PRR33: variants seen among roughly 807,000 people sequenced by gnomAD.
The protein encoded by PRR33 is proline rich 33.
A neutral mutation model predicts 0.5 loss-of-function variants in PRR33; 1 was observed. That is an observed-to-expected ratio of 2.18 (90% CI 0.77 to 10.34). PRR33 has a LOEUF of 10.34. Ranked by LOEUF, PRR33 falls within the 30% of genes most tolerant of loss-of-function variation. The pLI is 0.13. For synonymous variants in PRR33, 226 were observed against 110.0 expected, an observed-to-expected ratio of 2.06 and a Z score of -6.60; for missense variants, 552 against 251.8, an observed-to-expected ratio of 2.19 and a Z score of -8.07.
chr11:1,889,742 C>T (rs966781933), exon 1 of PRR33: 2 of 655,814 alleles, frequency 3.0e-6, no homozygotes, highest in East Asian at 2.7e-5. Flanking sequence ...CCAGGCTGTG[C>T]GGTGAGGACT....
upstream of PRR33, among the ~76,000 whole-genome samples, chr11:1,892,986 AGTGG>A (rs1158802709): frequency 8.9e-6 from 1 of 112,218 alleles, no homozygotes; most frequent in East Asian, 3.3e-4. Flanking sequence ...TGAATGAGTA[AGTGG>A]GTGGGTGGGT....
At chr11:1,915,687 G>A in the PRR33 span, among the ~76,000 whole-genome samples, 1 of 254 alleles carries the variant, frequency 3.9e-3, no homozygotes, top group Non-Finnish European at 7.4e-3. Flanking sequence ...TGATGTTTCT[G>A]TGTGTGTGTG....
chr11:1,890,098 G>A (rs1848930353), exon 1 of PRR33: 1 of 716,578 alleles, frequency 1.4e-6, no homozygotes. Context: ...CCACTGGGGG[G>A]CCGGGTAGGT....
At chr11:1,895,215 C>A (rs541363831), upstream of PRR33, among the ~76,000 whole-genome samples, 16 of 152,226 alleles carry the variant, frequency 1.1e-4, no homozygotes, top group African/African-American at 3.9e-4. Flanking sequence ...CCACTGCAAC[C>A]TCCGTCTCCT....
At chr11:1,899,575 T>C in the PRR33 span, among the ~76,000 whole-genome samples, 1 of 152,182 alleles carries the variant, frequency 6.6e-6, no homozygotes, top group Non-Finnish European at 1.5e-5. Flanking sequence ...GACTATTTCA[T>C]AAGGCACCAA....
At chr11:1,903,484 TA>T in the PRR33 span, among the ~76,000 whole-genome samples, 7 of 152,198 alleles carry the variant, frequency 4.6e-5, no homozygotes, top group South Asian at 1.2e-3. Context: ...AAAGAGGGAG[TA>T]AAAATACTGA....
the PRR33 span, among the ~76,000 whole-genome samples, chr11:1,897,488 C>T: frequency 1.3e-5 from 2 of 152,202 alleles, no homozygotes; most frequent in Non-Finnish European, 2.9e-5. The surrounding 1 kb of genome is among the most constrained non-coding windows in gnomAD (Gnocchi z 4.0). Flanking sequence ...TATCTGCTTC[C>T]GTAAAGCTTC....
At chr11:1,889,899 C>T (rs1016135078) in exon 1 of PRR33, 13 of 626,760 alleles carry the variant, frequency 2.1e-5, no homozygotes, top group Admixed American at 5.6e-5. Flanking sequence ...GGGCAGTGGG[C>T]GGATGTGAGC....
At chr11:1,913,199 C>T in the PRR33 span, among the ~76,000 whole-genome samples, 31 of 152,102 alleles carry the variant, frequency 2.0e-4, 1 homozygote, top group African/African-American at 7.0e-4. Context: ...GGCACAATTT[C>T]GGCTCACAAA....
chr11:1,890,739 A>G (rs1235292119), exon 1 of PRR33: 8 of 603,554 alleles, frequency 1.3e-5, no homozygotes, highest in African/African-American at 1.1e-4. Context: ...CCTGCCAGGG[A>G]CATGCTGAGC....
chr11:1,890,664 G>T (rs1848963645), exon 1 of PRR33: 1 of 644,222 alleles, frequency 1.6e-6, no homozygotes, highest in Non-Finnish European at 2.8e-6. Flanking sequence ...GTCTCCTGTG[G>T]TCCAAGGAGG....
At chr11:1,892,555 C>G (rs1259372620), upstream of PRR33, among the ~76,000 whole-genome samples, 8 of 152,232 alleles carry the variant, frequency 5.3e-5, no homozygotes. Context: ...TGACTTCGCA[C>G]CCACTGAGGG....
the PRR33 span, among the ~76,000 whole-genome samples, chr11:1,900,210 C>T: frequency 6.6e-6 from 1 of 152,012 alleles, no homozygotes; most frequent in Non-Finnish European, 1.5e-5. Flanking sequence ...TTCTTAAATA[C>T]CAATTTTGTT....
chr11:1,889,872 G>T (rs1474169817), exon 1 of PRR33: 3 of 630,970 alleles, frequency 4.8e-6, no homozygotes, highest in Admixed American at 5.5e-5. Flanking sequence ...CAAGGGACTG[G>T]CAGCCTGGAC....
chr11:1,893,441 C>CTGGA (rs1426647201), upstream of PRR33, among the ~76,000 whole-genome samples: 21 of 115,468 alleles, frequency 1.8e-4, no homozygotes, highest in Non-Finnish European at 3.3e-4. Context: ...GGCTGGCTGG[C>CTGGA]TGGCTGGCTG....
chr11:1,897,774 T>G, the PRR33 span, among the ~76,000 whole-genome samples: 1 of 152,190 alleles, frequency 6.6e-6, no homozygotes, highest in African/African-American at 2.4e-5. This position sits in a 1 kb window ranked among gnomAD's most constrained non-coding sequence, Gnocchi z 4.0. Context: ...TTTGAGTTCT[T>G]GTTGCTCCAG....
chr11:1,903,414 G>A, the PRR33 span, among the ~76,000 whole-genome samples: 2 of 152,132 alleles, frequency 1.3e-5, no homozygotes, highest in Non-Finnish European at 2.9e-5. Context: ...TCAAAGTGCT[G>A]GAATTACAGG....
chr11:1,898,744 G>A, the PRR33 span, among the ~76,000 whole-genome samples: 2 of 151,328 alleles, frequency 1.3e-5, no homozygotes, highest in African/African-American at 2.4e-5. Flanking sequence ...AGGGGCTCAC[G>A]CCTGTAATCC....
exon 1 of PRR33, chr11:1,889,167 G>T: frequency 1.5e-6 from 1 of 671,076 alleles, no homozygotes. Context: ...CCAGCCAGTC[G>T]CTGTGCGGTT....
Sources: gnomAD v4.1 joint callset for allele counts (sites outside exome capture counted in the v4.1 genomes callset) on GRCh38, gnomAD v4.1.1 for gene constraint, Gnocchi (gnomAD v3.1) non-coding constraint, MANE v1.5 for transcripts, NCBI Gene and HGNC (gene_info 2026-07-23, HGNC 2026-07-21) for gene names.